DNMT3A: variants seen among roughly 807,000 people sequenced by gnomAD.
The protein encoded by DNMT3A is DNA (cytosine-5)-methyltransferase 3A.
A neutral mutation model predicts 117.6 loss-of-function variants in DNMT3A; 267 were observed. That is an observed-to-expected ratio of 2.27 (90% confidence interval 2.05 to 2.51). The LOEUF (loss-of-function observed/expected upper bound fraction) is 2.51, where lower values mean the gene tolerates loss of function less well. DNMT3A is among the 30% of genes most tolerant of loss of function. The probability of loss-of-function intolerance (pLI) is 0.00; values close to 1 mark genes in which losing one functional copy is unlikely to be tolerated. For synonymous variants in DNMT3A, 432 were observed against 474.8 expected, an observed-to-expected ratio of 0.91 and a Z score of 1.17; for missense variants, 1,029 against 1,260.2, an observed-to-expected ratio of 0.82 and a Z score of 2.78.
intron 6 of DNMT3A, among the ~76,000 whole-genome samples, chr2:25,271,404 G>C (rs1210863841): frequency 2.6e-5 from 4 of 152,224 alleles, no homozygotes; most frequent in Non-Finnish European, 5.9e-5. Context: ...CTACTCTTGA[G>C]TCTGAGGGCG....
At chr2:25,235,951 G>A (rs1410955119) in intron 21 of DNMT3A, 126 bp from the exon 22 acceptor site, 12 of 855,418 alleles carry the variant, frequency 1.4e-5, no homozygotes, top group Non-Finnish European at 2.3e-5. Flanking sequence ...CAGGGGGCTG[G>A]GTATGGCTCT....
chr2:25,268,404 G>A (rs893245821), intron 6 of DNMT3A, among the ~76,000 whole-genome samples: 4 of 152,178 alleles, frequency 2.6e-5, no homozygotes, highest in African/African-American at 9.6e-5. Flanking sequence ...AAACTGGAGT[G>A]AGTGGCTTCC....
At position 25,296,926 on chromosome 2, in the gene DNMT3A, C is replaced by G. The variant is rs2033125193; in HGVS notation, c.177+3213G>C. Among the ~76,000 whole-genome samples the G allele has an allele frequency of 6.6e-6, 1 of 152,274 alleles. No individual in the cohort carries two copies. The highest frequency in any genetic ancestry group is 2.1e-4 in the South Asian group (1 of 4,830). ...AGCCAGGGTTTCATCTCTTACTTCC[C>G]AGTCCCCATCCCTGTCACACCTGTC... is the stretch of plus-strand genomic sequence containing the variant. On this transcript the variant is annotated intron_variant, in intron 3 of 22. Coordinates refer to ENST00000321117, the MANE Select transcript of DNMT3A (RefSeq NM_022552.5). This position sits in a 1 kb window ranked among gnomAD's most constrained non-coding sequence, Gnocchi z 4.2.
In DNMT3A at chr2:25,298,687, C is replaced by A. The variant is rs2033239471; in HGVS notation, c.177+1452G>T. 6.6e-6 allele frequency among the ~76,000 whole-genome samples: 1 copy of A among 152,198 alleles called. No individual in the cohort carries two copies. Among genetic ancestry groups the A allele is most frequent in the Non-Finnish European group, 1.5e-5 (1 of 68,034 alleles). On this transcript the variant is annotated intron_variant, in intron 3 of 22. Transcript: ENST00000321117. This position sits in a 1 kb window ranked among gnomAD's most constrained non-coding sequence, Gnocchi z 4.3. Reference sequence around the variant, plus strand: ...AGGGGCCCTGGGAATCTGGAGTCTGCTGCCAGCCAGAAAGTCCTCTCTGAA... The same window carrying A: ...AGGGGCCCTGGGAATCTGGAGTCTGATGCCAGCCAGAAAGTCCTCTCTGAA...
chr2:25,233,806 A>G lies in DNMT3A; in HGVS notation c.*473T>C. ...AAAAAAAAAACAAAAAACAAAAAAA[A>G]AAACAACCCAATATATAGATTTCTA... On this transcript the variant is annotated 3_prime_UTR_variant, in exon 23 of 23. Transcript: ENST00000321117. The G allele has an allele frequency of 4.4e-6, 1 of 227,444 alleles. No individual in the cohort carries two copies. Among genetic ancestry groups the G allele is most frequent in the Non-Finnish European group, 8.7e-6 (1 of 114,678 alleles). 14.1% of individuals were successfully genotyped at this position (227,444 alleles called of 1,614,324 possible).
At chr2:25,342,041 T>G (rs1231425849), upstream of DNMT3A, 2 of 610,040 alleles carry the variant, frequency 3.3e-6, no homozygotes, top group Non-Finnish European at 3.9e-6. The surrounding 1 kb of genome is among the most constrained non-coding windows in gnomAD (Gnocchi z 5.9). Context: ...CCACCCCTTC[T>G]CTCCGCCTTC....
At chr2:25,244,393 A>AGG in intron 14 of DNMT3A, 55 bp from the exon 15 acceptor site, 1 of 1,569,596 alleles carries the variant, frequency 6.4e-7, no homozygotes, top group Non-Finnish European at 8.6e-7. Context: ...CGGGGAGGCC[A>AGG]AGGTGTGCTA....
intron 1 of DNMT3A, among the ~76,000 whole-genome samples, chr2:25,317,192 G>C (rs1422171251): frequency 1.3e-5 from 2 of 151,178 alleles, no homozygotes; most frequent in Non-Finnish European, 2.9e-5. Context: ...CTCCTGAGTA[G>C]GTGGGACTAC....
chr2:25,337,802 T>C lies in DNMT3A; in HGVS notation c.-178+4024A>G, dbSNP rs36010566. On this transcript the variant is annotated intron_variant, in intron 1 of 22. Coordinates refer to ENST00000321117, the MANE Select transcript of DNMT3A (RefSeq NM_022552.5). This position sits in a 1 kb window ranked among gnomAD's most constrained non-coding sequence, Gnocchi z 5.0. ...GGGAAAAATCGTCAGAGAGAAATGATTGAAAATGAGCCCTCAAAATTAAAG... is the reference window on the plus strand; with the variant it reads ...GGGAAAAATCGTCAGAGAGAAATGACTGAAAATGAGCCCTCAAAATTAAAG... Among the ~76,000 whole-genome samples, 275 of 152,224 alleles carry C rather than the reference T, an allele frequency of 1.8e-3. No individual in the cohort carries two copies. The highest frequency in any genetic ancestry group is 3.2e-3 in the Non-Finnish European group (215 of 68,016).
intron 1 of DNMT3A, among the ~76,000 whole-genome samples, chr2:25,338,770 C>T (rs2035305129): frequency 6.6e-6 from 1 of 152,218 alleles, no homozygotes; most frequent in Admixed American, 6.5e-5. Flanking sequence ...CCACTTCTTC[C>T]TGCCGGTGAC....
In DNMT3A at chr2:25,319,294, A is replaced by G. The variant is rs192993193; in HGVS notation, c.-177-5133T>C. Among the ~76,000 whole-genome samples, 140 of 150,716 alleles carry G rather than the reference A, an allele frequency of 9.3e-4. 1 individual carries two copies. The East Asian group carries it at 0.012, about 12-fold the overall frequency. On this transcript the variant is annotated intron_variant, in intron 1 of 22. Coordinates refer to ENST00000321117, the MANE Select transcript of DNMT3A (RefSeq NM_022552.5). ...CTCCCAAAGTGCTGGGATTACAGGC[A>G]TGAGCCACCACGCCCGGGGTCTTTT...
chr2:25,297,067 T>C (rs1490041746), intron 3 of DNMT3A, among the ~76,000 whole-genome samples: 1 of 152,068 alleles, frequency 6.6e-6, no homozygotes, highest in East Asian at 1.9e-4. Context: ...TCAGAAGCCA[T>C]CTCTCCTGTG....
chr2:25,341,654 C>T lies in DNMT3A; in HGVS notation c.-178+172G>A, dbSNP rs1228968856. Reference sequence around the variant, plus strand: ...CCCGCGCCGCCCCGGCCAGCCCGGCCCGCCGTCCCCGCCTGCAGTCCCGGC... The same window carrying T: ...CCCGCGCCGCCCCGGCCAGCCCGGCTCGCCGTCCCCGCCTGCAGTCCCGGC... On this transcript the variant is annotated intron_variant, in intron 1 of 22. Transcript: ENST00000321117. Among the ~76,000 whole-genome samples, 220 of 147,094 alleles carry T rather than the reference C, an allele frequency of 1.5e-3. 2 individuals are homozygous for T. The highest frequency in any genetic ancestry group is 5.1e-3 in the African/African-American group (209 of 41,002).
At chr2:25,259,361 A>C (rs1676421128) in intron 6 of DNMT3A, among the ~76,000 whole-genome samples, 1 of 152,204 alleles carries the variant, frequency 6.6e-6, no homozygotes, top group South Asian at 2.1e-4. Flanking sequence ...GCCCCTTACC[A>C]GGAAATTCAA....
chr2:25,295,048 C>G lies in DNMT3A; in HGVS notation c.177+5091G>C, dbSNP rs376309007. Among the ~76,000 whole-genome samples, 116 of 152,318 alleles carry G rather than the reference C, an allele frequency of 7.6e-4. 1 individual carries two copies. The highest frequency in any genetic ancestry group is 3.4e-3 in the Middle Eastern group (1 of 294). On this transcript the variant is annotated intron_variant, in intron 3 of 22. Coordinates refer to ENST00000321117, the MANE Select transcript of DNMT3A (RefSeq NM_022552.5). The stretch of plus-strand genomic sequence containing the variant: ...GGAGCCCCACAGGGCCACTCACCCC[C>G]CAGGGCCTTGTGGGCAAAGGCAGAA...
At chr2:25,255,494 G>A (rs1274410869) in intron 6 of DNMT3A, among the ~76,000 whole-genome samples, 3 of 152,240 alleles carry the variant, frequency 2.0e-5, no homozygotes, top group East Asian at 3.8e-4. Context: ...TGGAAAGGAA[G>A]TATCCAGTGT....
intron 2 of DNMT3A, among the ~76,000 whole-genome samples, chr2:25,307,459 CTTTTTT>C (rs35144977): frequency 7.6e-5 from 6 of 79,096 alleles, no homozygotes; most frequent in South Asian, 8.6e-4. Flanking sequence ...CACACCGCAG[CTTTTTT>C]TTTTTTTTTT....
intron 2 of DNMT3A, among the ~76,000 whole-genome samples, chr2:25,310,229 G>C (rs2034033407): frequency 6.6e-6 from 1 of 152,006 alleles, no homozygotes; most frequent in Non-Finnish European, 1.5e-5. Flanking sequence ...GATCTGAGGT[G>C]GCCCTTGGAC....
chr2:25,294,611 C>A lies in DNMT3A; in HGVS notation c.177+5528G>T, dbSNP rs1490365571. Among the ~76,000 whole-genome samples the A allele has an allele frequency of 6.6e-6, 1 of 152,206 alleles. No homozygotes were observed. The highest frequency in any genetic ancestry group is 1.9e-4 in the East Asian group (1 of 5,204). ...TCTGAAAACAAGCAGGGCTGCTGAG[C>A]TCTGTCTTAACTTGGAGAAGAATCA... On this transcript the variant is annotated intron_variant, in intron 3 of 22. Transcript: ENST00000321117. The surrounding 1 kb of genome is among the most constrained non-coding windows in gnomAD (Gnocchi z 4.7).
Sources: gnomAD v4.1 joint callset for allele counts (sites outside exome capture counted in the v4.1 genomes callset) on GRCh38, gnomAD v4.1.1 for gene constraint, Gnocchi (gnomAD v3.1) non-coding constraint, MANE v1.5 for transcripts, NCBI Gene and HGNC (gene_info 2026-07-23, HGNC 2026-07-21) for gene names.